The following RHOBTB3 variants were observed in gnomAD, a reference collection of about 807,000 sequenced individuals.
RHOBTB3 encodes rho-related BTB domain-containing protein 3.
In RHOBTB3, 47 loss-of-function variants were observed where a neutral mutation model predicts 67.2. That is an observed-to-expected ratio of 0.70 (90% CI 0.55 to 0.89). RHOBTB3 has a LOEUF of 0.89. Among genes scored for constraint, RHOBTB3 ranks in the 40% least tolerant of loss-of-function variants. RHOBTB3 has a pLI of 0.00. For missense variants in RHOBTB3, 631 were observed against 750.0 expected (o/e 0.84, Z 1.85); for synonymous variants, 273 against 274.2 (o/e 1.00, Z 0.04).
intron 8 of RHOBTB3, among the ~76,000 whole-genome samples, chr5:95,776,921 C>A (rs189292640): frequency 6.6e-6 from 1 of 152,286 alleles, no homozygotes; most frequent in African/African-American, 2.4e-5. Context: ...TCCTGCTGAA[C>A]CCACGTTCGC....
chr5:95,790,129 A>G (rs572845046), intron 11 of RHOBTB3, among the ~76,000 whole-genome samples: 3 of 152,390 alleles, frequency 2.0e-5, no homozygotes, highest in East Asian at 1.9e-4. Context: ...GCCTCCTTAT[A>G]TAAGTCAACT....
At chr5:95,791,380 G>C (rs760050906) in intron 11 of RHOBTB3, among the ~76,000 whole-genome samples, 1 of 152,164 alleles carries the variant, frequency 6.6e-6, no homozygotes, top group Non-Finnish European at 1.5e-5. Context: ...TATTCTCGCA[G>C]TTTAATTTAG....
intron 2 of RHOBTB3, among the ~76,000 whole-genome samples, chr5:95,736,214 T>C (rs968395884): frequency 2.0e-5 from 3 of 152,206 alleles, no homozygotes; most frequent in Middle Eastern, 3.4e-3. Context: ...ACTAGAAGAG[T>C]TTATCCTGAA....
intron 3 of RHOBTB3, among the ~76,000 whole-genome samples, chr5:95,743,974 G>T (rs558683441): frequency 2.8e-4 from 43 of 151,244 alleles, no homozygotes; most frequent in Non-Finnish European, 5.7e-4. Flanking sequence ...CTCCCAAAGT[G>T]CTGGGATTAC....
chr5:95,770,024 C>T (rs907696494), intron 8 of RHOBTB3: 4 of 374,962 alleles, frequency 1.1e-5, no homozygotes, highest in Non-Finnish European at 2.1e-5. Context: ...AGGGGGTAGG[C>T]CTCATAACAC....
chr5:95,727,317 C>T (rs538440437), upstream of RHOBTB3, among the ~76,000 whole-genome samples: 10 of 152,258 alleles, frequency 6.6e-5, no homozygotes, highest in South Asian at 1.9e-3. Flanking sequence ...TCTGCCAAGC[C>T]GAGATCTCTA....
At chr5:95,749,483 T>C (rs1745027675) in intron 4 of RHOBTB3, among the ~76,000 whole-genome samples, 1 of 152,190 alleles carries the variant, frequency 6.6e-6, no homozygotes, top group Non-Finnish European at 1.5e-5. Context: ...AACATTAATA[T>C]TACAATGTTA....
intron 8 of RHOBTB3, among the ~76,000 whole-genome samples, chr5:95,778,429 T>A (rs1433544105): frequency 6.6e-6 from 1 of 151,728 alleles, no homozygotes; most frequent in Non-Finnish European, 1.5e-5. Context: ...TATTTTCCAC[T>A]CTCTGTTGGT....
chr5:95,769,169 G>T, intron 8 of RHOBTB3: 2 of 349,262 alleles, frequency 5.7e-6, no homozygotes, highest in South Asian at 2.8e-5. Context: ...CCGAAGGGAA[G>T]AACTGTGATT....
At chr5:95,739,442 C>T (rs1195327386) in intron 3 of RHOBTB3, among the ~76,000 whole-genome samples, 1 of 152,044 alleles carries the variant, frequency 6.6e-6, no homozygotes, top group South Asian at 2.1e-4. Flanking sequence ...AGGAAAAAAA[C>T]CCACAAAATA....
chr5:95,757,738 A>G (rs1290560387), intron 6 of RHOBTB3, among the ~76,000 whole-genome samples: 2 of 152,230 alleles, frequency 1.3e-5, no homozygotes, highest in Non-Finnish European at 2.9e-5. Flanking sequence ...GCTTGGAAAA[A>G]GCATAAATTA....
chr5:95,745,091 CA>C (rs927509141), intron 3 of RHOBTB3, among the ~76,000 whole-genome samples: 10 of 151,158 alleles, frequency 6.6e-5, no homozygotes, highest in Admixed American at 5.9e-4. Context: ...TAAATAAATA[CA>C]TAAAAATTTA....
At chr5:95,752,203 G>A (rs775202999) in intron 4 of RHOBTB3, 36 bp from the exon 5 acceptor site, 37 of 1,258,070 alleles carry the variant, frequency 2.9e-5, no homozygotes, top group Non-Finnish European at 4.1e-5. Context: ...ATATAGTTTT[G>A]TTGGATCTTC....
At chr5:95,730,843 G>T (rs1164777472), upstream of RHOBTB3, 1 of 453,154 alleles carries the variant, frequency 2.2e-6, no homozygotes, top group Non-Finnish European at 4.4e-6. Context: ...TCACAAGTAT[G>T]ATTTTAGAAA....
At chr5:95,780,084 T>C in intron 8 of RHOBTB3, 168 bp from the exon 9 acceptor site, 1 of 525,478 alleles carries the variant, frequency 1.9e-6, no homozygotes, top group Non-Finnish European at 3.4e-6. Context: ...TATTGCTCCC[T>C]TTAAAATTAA....
chr5:95,726,341 T>C (rs1755051400), upstream of RHOBTB3, among the ~76,000 whole-genome samples: 1 of 152,246 alleles, frequency 6.6e-6, no homozygotes, highest in Non-Finnish European at 1.5e-5. Flanking sequence ...AGAGACTTTG[T>C]AGCATTTATT....
rs1401018427 is a variant in RHOBTB3 at position 95,752,680 on chromosome 5, G to A, written c.682+330G>A. Among the ~76,000 whole-genome samples, 3 of 152,090 alleles carry A rather than the reference G, an allele frequency of 2.0e-5. No individual in the cohort carries two copies. In the East Asian group the frequency reaches 5.8e-4, roughly 29 times the overall value. ...AATGCATGAACCTTGATTGGATACTGGTTCAATAAAAACATCTAAAAGATG... is the reference window on the plus strand; with the variant it reads ...AATGCATGAACCTTGATTGGATACTAGTTCAATAAAAACATCTAAAAGATG... On this transcript the variant is annotated intron_variant, in intron 5 of 11. Coordinates refer to ENST00000379982, the MANE Select transcript of RHOBTB3 (RefSeq NM_014899.4).
chr5:95,787,231 C>T lies in RHOBTB3; in HGVS notation c.1624-1531C>T, dbSNP rs185527153. 1.3e-3 allele frequency among the ~76,000 whole-genome samples: 203 copies of T among 152,132 alleles called. 1 individual carries two copies. Among genetic ancestry groups the T allele is most frequent in the South Asian group, 8.3e-4 (4 of 4,818 alleles). ...TATCTGCTCTGGGTTAATCACGTAACAGTAGTGGTGGCTTCTCTAAAAAGC... is the reference window on the plus strand; with the variant it reads ...TATCTGCTCTGGGTTAATCACGTAATAGTAGTGGTGGCTTCTCTAAAAAGC... On this transcript the variant is annotated intron_variant, in intron 10 of 11. Transcript: ENST00000379982.
intron 8 of RHOBTB3, 68 bp downstream of exon 8, chr5:95,768,234 T>G (rs959908347): frequency 1.4e-6 from 2 of 1,476,612 alleles, no homozygotes; most frequent in African/African-American, 2.8e-5. Flanking sequence ...TGCTTTCTAC[T>G]TCAGGTTTGA....
Sources: gnomAD v4.1 joint callset for allele counts (sites outside exome capture counted in the v4.1 genomes callset) on GRCh38, gnomAD v4.1.1 for gene constraint, MANE v1.5 for transcripts, NCBI Gene and HGNC (gene_info 2026-07-23, HGNC 2026-07-21) for gene names.